Variants in TRAPPC3 observed in about 807,000 individuals in gnomAD.
TRAPPC3 encodes trafficking protein particle complex subunit 3, also known as trafficking protein particle complex 3.
Under a neutral mutation model 18.2 loss-of-function variants are expected in TRAPPC3, and 5 were observed. That is an observed-to-expected ratio of 0.28 (90% CI 0.14 to 0.58). The LOEUF is 0.58. Ranked by LOEUF, TRAPPC3 falls within the 20% of genes least tolerant of loss-of-function variation. The pLI, the probability that TRAPPC3 is intolerant of heterozygous loss-of-function variation, is 0.91. For synonymous variants in TRAPPC3, 65 were observed against 84.2 expected (o/e 0.77, Z 1.25); for missense variants, 176 against 225.9 (o/e 0.78, Z 1.41).
chr1:36,148,685 A>C (rs1262283196), intron 1 of TRAPPC3, among the ~76,000 whole-genome samples: 1 of 152,148 alleles, frequency 6.6e-6, no homozygotes, highest in Non-Finnish European at 1.5e-5. Context: ...TGGTGTCCAA[A>C]CTATTCCCTG....
At chr1:36,150,448 C>T (rs928216090), upstream of TRAPPC3, among the ~76,000 whole-genome samples, 3 of 152,260 alleles carry the variant, frequency 2.0e-5, no homozygotes, top group African/African-American at 7.2e-5. Flanking sequence ...AGCTGGTCAA[C>T]TCTGAGGAAG....
At chr1:36,144,800 A>C (rs1223262991) in intron 1 of TRAPPC3, among the ~76,000 whole-genome samples, 1 of 152,224 alleles carries the variant, frequency 6.6e-6, no homozygotes, top group Non-Finnish European at 1.5e-5. Flanking sequence ...TGTTGGTAGG[A>C]TCTAGTAAGA....
At chr1:36,143,174 A>G (rs934814668) in intron 1 of TRAPPC3, among the ~76,000 whole-genome samples, 2 of 151,748 alleles carry the variant, frequency 1.3e-5, no homozygotes, top group African/African-American at 2.4e-5. Context: ...AATGAAATAC[A>G]TGATTTGCCA....
chr1:36,137,986 G>A lies in TRAPPC3; in HGVS notation c.241-8C>T. On this transcript the variant is annotated splice_region_variant and splice_polypyrimidine_tract_variant and intron_variant, in intron 3 of 4. Transcript: ENST00000373166. ...GTACATCTTGAACGCCACCTGTCAGGGGACACACAACAGCACTTTGGGGAA... is the reference window on the plus strand; with the variant it reads ...GTACATCTTGAACGCCACCTGTCAGAGGACACACAACAGCACTTTGGGGAA... 4 of 1,613,362 alleles carry A rather than the reference G, an allele frequency of 2.5e-6. No individual in the cohort carries two copies. The highest frequency in any genetic ancestry group is 2.5e-6 in the Non-Finnish European group (3 of 1,179,544).
At chr1:36,139,602 A>T in intron 3 of TRAPPC3, 118 bp downstream of exon 3, 1 of 1,373,146 alleles carries the variant, frequency 7.3e-7, no homozygotes, top group Non-Finnish European at 9.9e-7. Context: ...TGACCCAAAG[A>T]GCTGCCTAGC....
At chr1:36,152,094 T>G (rs560446430), upstream of TRAPPC3, among the ~76,000 whole-genome samples, 2 of 152,290 alleles carry the variant, frequency 1.3e-5, no homozygotes, top group African/African-American at 2.4e-5. Flanking sequence ...CCCCTCCCAC[T>G]TCCTGCAGTA....
At chr1:36,145,110 C>G (rs1644173132) in intron 1 of TRAPPC3, among the ~76,000 whole-genome samples, 1 of 152,128 alleles carries the variant, frequency 6.6e-6, no homozygotes, top group Admixed American at 6.5e-5. Context: ...CAAGCTCTGC[C>G]TCCCGGGTTC....
At chr1:36,148,711 A>G (rs779261779) in intron 1 of TRAPPC3, among the ~76,000 whole-genome samples, 13 of 152,130 alleles carry the variant, frequency 8.5e-5, no homozygotes, top group Non-Finnish European at 1.9e-4. Context: ...GAAGGGAGCC[A>G]CCCACTCCAT....
At chr1:36,139,155 TA>T (rs200662205) in intron 3 of TRAPPC3, among the ~76,000 whole-genome samples, 5,058 of 144,250 alleles carry the variant, frequency 0.035, 329 homozygotes, top group African/African-American at 0.13. Flanking sequence ...TGTGAGTCTG[TA>T]TTTTTTTTTT....
At chr1:36,139,491 C>T (rs1644075417) in intron 3 of TRAPPC3, 1 of 556,750 alleles carries the variant, frequency 1.8e-6, no homozygotes, top group Non-Finnish European at 3.1e-6. Flanking sequence ...TACTCTGCTA[C>T]ACCTTCACAG....
chr1:36,151,504 G>A (rs1022291104), upstream of TRAPPC3, among the ~76,000 whole-genome samples: 9 of 152,108 alleles, frequency 5.9e-5, no homozygotes, highest in African/African-American at 2.2e-4. Context: ...CCAGCTACTA[G>A]GAAGGTTAAG....
chr1:36,147,402 G>A (rs1224009629), intron 1 of TRAPPC3, among the ~76,000 whole-genome samples: 2 of 151,796 alleles, frequency 1.3e-5, no homozygotes, highest in East Asian at 3.9e-4. Context: ...GTGAAGCAGA[G>A]TTGGAGGGAC....
At chr1:36,153,316 A>G (rs1264618276), upstream of TRAPPC3, among the ~76,000 whole-genome samples, 1 of 152,108 alleles carries the variant, frequency 6.6e-6, no homozygotes, top group Non-Finnish European at 1.5e-5. Flanking sequence ...AGTGAGGAGG[A>G]GAATGGAGAG....
Position 36,149,389 on chromosome 1 carries a change from G to A in TRAPPC3, c.-11C>T, listed in dbSNP as rs970228157. Reference sequence around the variant, plus strand: ...CGCCTGCCTCGACATGGTGCCGGCCGCCCCGCCCCACTCGCCTAGCCACGG... The same window carrying A: ...CGCCTGCCTCGACATGGTGCCGGCCACCCCGCCCCACTCGCCTAGCCACGG... On this transcript the variant is annotated 5_prime_UTR_variant, in exon 1 of 5. Transcript: ENST00000373166. 4 of 1,612,404 alleles carry A rather than the reference G, an allele frequency of 2.5e-6. No homozygotes were observed. The highest frequency in any genetic ancestry group is 1.1e-5 in the South Asian group (1 of 91,024).
chr1:36,141,242 G>A (rs1329534911), intron 1 of TRAPPC3, among the ~76,000 whole-genome samples: 1 of 152,198 alleles, frequency 6.6e-6, no homozygotes, highest in African/African-American at 2.4e-5. Context: ...ACTGAAGAAT[G>A]AAAGCAGCAG....
At chr1:36,139,965 G>A (rs1468490017) in intron 2 of TRAPPC3, 104 bp downstream of exon 2, 5 of 1,461,358 alleles carry the variant, frequency 3.4e-6, no homozygotes, top group Non-Finnish European at 4.6e-6. Context: ...CCAAAATGTT[G>A]GCTAAGAAAG....
At chr1:36,139,671 C>A (rs1644078705) in intron 3 of TRAPPC3, 49 bp downstream of exon 3, 1 of 1,609,564 alleles carries the variant, frequency 6.2e-7, no homozygotes, top group Non-Finnish European at 8.5e-7. Context: ...GTAAGCAGTG[C>A]CTCTCAGCAG....
intron 1 of TRAPPC3, among the ~76,000 whole-genome samples, chr1:36,147,356 A>C (rs1644216038): frequency 6.6e-6 from 1 of 152,080 alleles, no homozygotes; most frequent in African/African-American, 2.4e-5. Context: ...GGTCTTGGCA[A>C]GCTTAAATGG....
chr1:36,137,281 C>G lies in TRAPPC3; in HGVS notation c.465G>C (p.Leu155=), dbSNP rs759637093. ...AVEAKFVQDT[L]KGDGVTEIRM... is the part of the protein sequence containing the mutation. ...GGATTTCTGTCACACCGTCTCCTTT[C>G]AGGGTGTCCTGGACAAACTTGGCCT... Residue 155 remains leucine (L), a synonymous_variant, in exon 5 of 5, where the codon CTG becomes CTC. Transcript: ENST00000373166. 1 of 1,613,228 alleles carries G rather than the reference C, an allele frequency of 6.2e-7. No homozygotes were observed. The highest frequency in any genetic ancestry group is 8.5e-7 in the Non-Finnish European group (1 of 1,179,322).
Sources: allele counts gnomAD v4.1 joint callset (sites outside exome capture counted in the v4.1 genomes callset), GRCh38; gene constraint gnomAD v4.1.1; transcripts MANE v1.5; gene names NCBI Gene and HGNC (gene_info 2026-07-23, HGNC 2026-07-21).